Variants in ANXA8 observed in about 807,000 individuals in gnomAD.
The protein encoded by ANXA8 is annexin A8, also known as VAC-beta.
A neutral mutation model predicts 26.8 loss-of-function variants in ANXA8; 9 were observed. That is an observed-to-expected ratio of 0.34 (90% CI 0.20 to 0.59). The LOEUF (loss-of-function observed/expected upper bound fraction) is 0.59. Ranked by LOEUF, ANXA8 falls within the 20% of genes least tolerant of loss-of-function variation. The pLI is 0.84. For synonymous variants in ANXA8, 39 were observed against 94.8 expected, an observed-to-expected ratio of 0.41 and a Z score of 3.42; for missense variants, 83 against 238.5, an observed-to-expected ratio of 0.35 and a Z score of 4.29.
the ANXA8 span, among the ~76,000 whole-genome samples, chr10:47,649,463 C>T: frequency 2.7e-5 from 4 of 150,896 alleles, no homozygotes; most frequent in Non-Finnish European, 5.9e-5. Context: ...AGGCTGGAGT[C>T]AGTGGTGCCA....
At chr10:47,944,451 A>G in the ANXA8 span, among the ~76,000 whole-genome samples, 22 of 149,708 alleles carry the variant, frequency 1.5e-4, no homozygotes, top group Non-Finnish European at 3.0e-4. Flanking sequence ...TCTAGGACAG[A>G]CTGTGCTGAA....
chr10:47,586,796 C>T, the ANXA8 span, among the ~76,000 whole-genome samples: 2 of 146,382 alleles, frequency 1.4e-5, no homozygotes, highest in Non-Finnish European at 2.9e-5. Context: ...CTATCTCCCA[C>T]TTCCATGACT....
At chr10:47,486,544 A>T (rs1840051743), upstream of ANXA8, among the ~76,000 whole-genome samples, 1 of 136,732 alleles carries the variant, frequency 7.3e-6, no homozygotes, top group African/African-American at 2.7e-5. Context: ...CAGGGGCCCC[A>T]GTGCCAGTGT....
chr10:47,687,857 T>A, the ANXA8 span, among the ~76,000 whole-genome samples: 1 of 151,990 alleles, frequency 6.6e-6, no homozygotes, highest in African/African-American at 2.4e-5. Context: ...CCCAACACTT[T>A]GGGAGGCCAA....
chr10:47,607,273 A>C, the ANXA8 span, among the ~76,000 whole-genome samples: 1 of 137,484 alleles, frequency 7.3e-6, no homozygotes, highest in Non-Finnish European at 1.5e-5. Flanking sequence ...AAATAAAAGA[A>C]AAAATATAAG....
the ANXA8 span, among the ~76,000 whole-genome samples, chr10:47,974,950 G>C: frequency 1.3e-5 from 2 of 149,762 alleles, no homozygotes; most frequent in Admixed American, 6.7e-5. Context: ...GGTTTAACCA[G>C]CTTTACTCAT....
the ANXA8 span, among the ~76,000 whole-genome samples, chr10:47,962,771 CT>C: frequency 1.3e-5 from 2 of 150,356 alleles, no homozygotes; most frequent in African/African-American, 4.8e-5. Context: ...GAGACACACC[CT>C]TACAGGGCAT....
At chr10:47,560,664 G>A in the ANXA8 span, among the ~76,000 whole-genome samples, 2 of 152,134 alleles carry the variant, frequency 1.3e-5, no homozygotes, top group South Asian at 2.1e-4. Context: ...GGAGGGTGGC[G>A]TTAGCACCCC....
At chr10:47,658,392 A>G in the ANXA8 span, among the ~76,000 whole-genome samples, 2 of 150,780 alleles carry the variant, frequency 1.3e-5, no homozygotes, top group South Asian at 4.1e-4. Flanking sequence ...TCTCAAAAAA[A>G]AAAAAAATCA....
the ANXA8 span, chr10:47,692,780 G>A: frequency 1.4e-3 from 194 of 143,040 alleles, no homozygotes; most frequent in Middle Eastern, 3.8e-3. Context: ...TGTCACCCAG[G>A]CTGGAGCGCA....
chr10:47,684,811 C>T, the ANXA8 span, among the ~76,000 whole-genome samples: 43 of 150,502 alleles, frequency 2.9e-4, no homozygotes, highest in African/African-American at 1.0e-3. Context: ...GTCTCAAACT[C>T]CTGACCTCAA....
chr10:47,946,026 GT>G, the ANXA8 span, among the ~76,000 whole-genome samples: 47 of 143,412 alleles, frequency 3.3e-4, no homozygotes, highest in Non-Finnish European at 6.5e-4. Flanking sequence ...TTTTTTAGGT[GT>G]TAGAAGACCT....
chr10:47,898,855 G>A, the ANXA8 span, among the ~76,000 whole-genome samples: 81 of 123,408 alleles, frequency 6.6e-4, 1 homozygote, highest in African/African-American at 1.8e-3. Context: ...ATGTGGTCTC[G>A]CTCTGTCTCC....
At chr10:47,693,146 A>C in the ANXA8 span, among the ~76,000 whole-genome samples, 1 of 151,792 alleles carries the variant, frequency 6.6e-6, no homozygotes, top group Non-Finnish European at 1.5e-5. Flanking sequence ...TTAATAAAAT[A>C]TCTAAAGAAA....
the ANXA8 span, among the ~76,000 whole-genome samples, chr10:47,675,794 A>C: frequency 6.6e-6 from 1 of 151,898 alleles, no homozygotes; most frequent in Non-Finnish European, 1.5e-5. Context: ...CCCAGAGATG[A>C]TCCAGATTTA....
At chr10:47,653,290 C>T in the ANXA8 span, among the ~76,000 whole-genome samples, 8 of 149,374 alleles carry the variant, frequency 5.4e-5, no homozygotes, top group South Asian at 2.1e-4. Flanking sequence ...CCAGCCTGGG[C>T]GACAGAGCAA....
the ANXA8 span, among the ~76,000 whole-genome samples, chr10:47,701,583 T>A: frequency 6.6e-6 from 1 of 151,764 alleles, no homozygotes; most frequent in African/African-American, 2.4e-5. Context: ...CATACTGTTA[T>A]GTGAAAACAT....
chr10:47,530,703 AAAG>A, the ANXA8 span, among the ~76,000 whole-genome samples: 43 of 138,980 alleles, frequency 3.1e-4, no homozygotes, highest in East Asian at 1.4e-3. Context: ...AAAAAAAAAA[AAAG>A]AAAAAAGAGA....
At chr10:47,896,892 T>G in the ANXA8 span, among the ~76,000 whole-genome samples, 1 of 150,964 alleles carries the variant, frequency 6.6e-6, no homozygotes, top group Admixed American at 6.6e-5. Flanking sequence ...TAGAGTTAAT[T>G]GAATGAAGAG....
Sources: gnomAD v4.1 joint callset for allele counts (sites outside exome capture counted in the v4.1 genomes callset) on GRCh38, gnomAD v4.1.1 for gene constraint, MANE v1.5 for transcripts, NCBI Gene and HGNC (gene_info 2026-07-23, HGNC 2026-07-21) for gene names.